RAB31: variants seen among roughly 807,000 people sequenced by gnomAD.
RAB31 encodes RAB31, member RAS oncogene family.
RAB31 carries 21 observed loss-of-function variants against 25.6 expected under a neutral mutation model. The observed-to-expected ratio is 0.82, with a 90% CI of 0.58 to 1.18. The LOEUF (loss-of-function observed/expected upper bound fraction) is 1.18, where lower values mean the gene tolerates loss of function less well. RAB31 is among the 50% of genes most tolerant of loss of function. The pLI is 0.00. For synonymous variants in RAB31, 87 were observed against 84.0 expected (o/e 1.04, Z -0.20); for missense variants, 196 against 250.1 (o/e 0.78, Z 1.46).
intron 2 of RAB31, among the ~76,000 whole-genome samples, chr18:9,783,593 C>T (rs2068416835): frequency 6.6e-6 from 1 of 151,898 alleles, no homozygotes; most frequent in South Asian, 2.1e-4. Context: ...ATAGAGTTGT[C>T]TAATAAAATT....
intron 1 of RAB31, among the ~76,000 whole-genome samples, chr18:9,730,795 G>A (rs1192966273): frequency 6.6e-6 from 1 of 152,180 alleles, no homozygotes; most frequent in African/African-American, 2.4e-5. Context: ...TTCTGCACAG[G>A]GTGGCTGGGC....
chr18:9,740,085 A>G (rs2068170570), intron 1 of RAB31, among the ~76,000 whole-genome samples: 1 of 152,198 alleles, frequency 6.6e-6, no homozygotes, highest in African/African-American at 2.4e-5. Flanking sequence ...AGCCTAATGG[A>G]TGAATCCTGA....
intron 3 of RAB31, among the ~76,000 whole-genome samples, chr18:9,799,333 A>G (rs2068502560): frequency 6.6e-6 from 1 of 152,230 alleles, no homozygotes; most frequent in African/African-American, 2.4e-5. Flanking sequence ...TGCCTAACAT[A>G]CACAGCATTC....
chr18:9,750,758 A>G (rs979080884), intron 1 of RAB31, among the ~76,000 whole-genome samples: 4 of 152,228 alleles, frequency 2.6e-5, no homozygotes, highest in African/African-American at 9.6e-5. Flanking sequence ...TGTCCAAACC[A>G]CTAAGTGAAG....
intron 6 of RAB31, among the ~76,000 whole-genome samples, chr18:9,858,817 A>T (rs2068831997): frequency 6.6e-6 from 1 of 152,186 alleles, no homozygotes; most frequent in Non-Finnish European, 1.5e-5. Flanking sequence ...ATGAGTACTC[A>T]CTGTTACTGT....
Position 9,859,551 on chromosome 18 carries a change from A to T in RAB31, c.*226A>T. ...ACCACCACAAAATGGCCTTTAGTGT[A>T]TGAAATGCACATGGAGGGGATGTAG... On this transcript the variant is annotated 3_prime_UTR_variant, in exon 7 of 7. Transcript: ENST00000578921. 2.5e-6 allele frequency: 1 copy of T among 397,328 alleles called. No individual in the cohort carries two copies. The highest frequency in any genetic ancestry group is 4.5e-6 in the Non-Finnish European group (1 of 223,564). 24.6% of individuals were successfully genotyped at this position (397,328 alleles called of 1,614,324 possible).
At chr18:9,857,697 TAGATAGATA>T (rs2068825474) in intron 6 of RAB31, among the ~76,000 whole-genome samples, 4 of 148,422 alleles carry the variant, frequency 2.7e-5, no homozygotes, top group African/African-American at 7.7e-5. Flanking sequence ...GATAGATAGA[TAGATAGATA>T]GATAGATAGA....
At position 9,708,589 on chromosome 18, in the gene RAB31, C is replaced by T; in HGVS notation, c.39+145C>T. The T allele has an allele frequency of 1.5e-6, 1 of 666,710 alleles. No individual in the cohort carries two copies. Among genetic ancestry groups the T allele is most frequent in the African/African-American group, 1.9e-5 (1 of 53,204 alleles). The allele number at this position is 666,710 out of a possible 1,614,324, so 41.3% of individuals were successfully genotyped here. ...CCCCCGTCCCCCTCGTCCGCGCGCC[C>T]CCTGGTTCCCCGGGTCCCCCTGGCT... is the stretch of plus-strand genomic sequence containing the variant. On this transcript the variant is annotated intron_variant, in intron 1 of 6. Transcript: ENST00000578921. The surrounding 1 kb of genome is among the most constrained non-coding windows in gnomAD (Gnocchi z 6.4).
chr18:9,763,439 T>C (rs912810018), intron 1 of RAB31, among the ~76,000 whole-genome samples: 6 of 151,714 alleles, frequency 4.0e-5, no homozygotes, highest in Non-Finnish European at 8.8e-5. Flanking sequence ...AATCGAAAAC[T>C]AGGAAAGGAA....
chr18:9,758,920 G>A (rs1333241347), intron 1 of RAB31, among the ~76,000 whole-genome samples: 7 of 152,156 alleles, frequency 4.6e-5, no homozygotes, highest in Admixed American at 3.9e-4. Flanking sequence ...TGTAACTGAC[G>A]ACGTCTGCAG....
At chr18:9,845,781 T>C in intron 6 of RAB31, 90 bp downstream of exon 6, 2 of 1,422,274 alleles carry the variant, frequency 1.4e-6, no homozygotes. Flanking sequence ...TGAAGTGAAC[T>C]TTTCCTCTGT....
In RAB31 at chr18:9,859,461, T is replaced by G. The variant is rs2068836462; in HGVS notation, c.*136T>G. On this transcript the variant is annotated 3_prime_UTR_variant, in exon 7 of 7. Transcript: ENST00000578921. ...CACTGGCTTTGCATCCTGGAAGACC[T>G]GCAGGGGGCGGGGCAGGAAATGTAC... The G allele has an allele frequency of 1.2e-5, 8 of 685,452 alleles. No homozygotes were observed. The South Asian group carries it at 1.7e-4, about 15-fold the overall frequency. 42.5% of individuals were successfully genotyped at this position (685,452 alleles called of 1,614,324 possible).
chr18:9,765,029 G>A (rs538077207), intron 1 of RAB31, among the ~76,000 whole-genome samples: 4 of 151,698 alleles, frequency 2.6e-5, no homozygotes, highest in Non-Finnish European at 4.4e-5. Context: ...CTTGGCTCAC[G>A]GCAACCTACG....
chr18:9,793,437 C>T (rs1233199281), intron 3 of RAB31, among the ~76,000 whole-genome samples: 6 of 152,052 alleles, frequency 3.9e-5, no homozygotes, highest in Admixed American at 1.3e-4. Flanking sequence ...CCGAGGCGGG[C>T]GGATCATGAG....
intron 1 of RAB31, among the ~76,000 whole-genome samples, chr18:9,711,752 A>G (rs2068018533): frequency 6.6e-6 from 1 of 152,142 alleles, no homozygotes; most frequent in Non-Finnish European, 1.5e-5. Context: ...TGACAGCCAC[A>G]CCTTCTTTCT....
intron 1 of RAB31, among the ~76,000 whole-genome samples, chr18:9,770,817 C>CA (rs2068340678): frequency 6.6e-6 from 1 of 151,376 alleles, no homozygotes; most frequent in Non-Finnish European, 1.5e-5. Context: ...AACCAGAAAG[C>CA]ACTAGTAAAG....
At chr18:9,826,773 T>C (rs1444240695) in intron 5 of RAB31, among the ~76,000 whole-genome samples, 1 of 152,210 alleles carries the variant, frequency 6.6e-6, no homozygotes, top group African/African-American at 2.4e-5. Context: ...GGGTTAAGGG[T>C]ACCTGGCTTT....
chr18:9,777,713 T>TAAAA (rs2068379597), intron 2 of RAB31, among the ~76,000 whole-genome samples: 1 of 151,954 alleles, frequency 6.6e-6, no homozygotes, highest in Non-Finnish European at 1.5e-5. Context: ...TCTAAACTTT[T>TAAAA]GTTTAAAAAT....
At chr18:9,725,282 G>T (rs1375934934) in intron 1 of RAB31, among the ~76,000 whole-genome samples, 1 of 152,216 alleles carries the variant, frequency 6.6e-6, no homozygotes, top group Non-Finnish European at 1.5e-5. Flanking sequence ...AGGAGAATTA[G>T]ACTCCACCTC....
Sources: allele counts gnomAD v4.1 joint callset (sites outside exome capture counted in the v4.1 genomes callset), GRCh38; gene constraint gnomAD v4.1.1; non-coding constraint Gnocchi (gnomAD v3.1); transcripts MANE v1.5; gene names NCBI Gene and HGNC (gene_info 2026-07-23, HGNC 2026-07-21).